The following PPP6R2 variants were observed in gnomAD, a reference collection of about 807,000 sequenced individuals.
PPP6R2 encodes serine/threonine-protein phosphatase 6 regulatory subunit 2.
A neutral mutation model predicts 100.2 loss-of-function variants in PPP6R2; 62 were observed. The observed-to-expected ratio is 0.62, with a 90% CI of 0.50 to 0.76. The LOEUF is 0.76. Among genes scored for constraint, PPP6R2 ranks in the 30% least tolerant of loss-of-function variants. The pLI is 0.00. For missense variants in PPP6R2, 1,142 were observed against 1,276.3 expected (o/e 0.89, Z 1.60); for synonymous variants, 525 against 514.7 (o/e 1.02, Z -0.27).
intron 1 of PPP6R2, among the ~76,000 whole-genome samples, chr22:50,352,407 T>C (rs1471571597): frequency 6.6e-6 from 1 of 152,186 alleles, no homozygotes; most frequent in Non-Finnish European, 1.5e-5. Flanking sequence ...TATTTAAGTC[T>C]GGTTTCGTCT....
intron 2 of PPP6R2, among the ~76,000 whole-genome samples, chr22:50,381,863 A>C (rs972994086): frequency 2.0e-5 from 3 of 151,336 alleles, no homozygotes. Context: ...TGCTGAGATC[A>C]CACCACTGCA....
chr22:50,394,149 C>T lies in PPP6R2; in HGVS notation c.227+14C>T. Reference sequence around the variant, plus strand: ...GGTCCGCTTCAAGTATGTACCAAAGCTGTGACGGGCCAGTACGCCAGGCAG... The same window carrying T: ...GGTCCGCTTCAAGTATGTACCAAAGTTGTGACGGGCCAGTACGCCAGGCAG... On this transcript the variant is annotated intron_variant, in intron 3 of 23. Transcript: ENST00000612753. The T allele has an allele frequency of 6.2e-7, 1 of 1,611,976 alleles. No homozygotes were observed. Among genetic ancestry groups the T allele is most frequent in the Non-Finnish European group, 8.5e-7 (1 of 1,178,580 alleles).
intron 10 of PPP6R2, among the ~76,000 whole-genome samples, chr22:50,424,413 G>A (rs1011482466): frequency 6.7e-6 from 1 of 149,162 alleles, no homozygotes; most frequent in African/African-American, 2.5e-5. Flanking sequence ...GTGTGTGGAA[G>A]GTCCGTCCGC....
At chr22:50,404,815 GA>G (rs1446831992) in intron 3 of PPP6R2, among the ~76,000 whole-genome samples, 1 of 152,074 alleles carries the variant, frequency 6.6e-6, no homozygotes, top group East Asian at 1.9e-4. Context: ...GGCCTGTTCT[GA>G]GACAGCCATT....
At position 50,382,836 on chromosome 22, in the gene PPP6R2, AT is replaced by A. The variant is rs532410577; in HGVS notation, c.-17+10705del. ...GGAAAAGGGTGAAATTTACAAGCAA[AT>A]TTTTTTTTTTTTTTTTTTGAGATAG... On this transcript the variant is annotated intron_variant, in intron 2 of 23. Coordinates refer to ENST00000612753, the MANE Select transcript of PPP6R2 (RefSeq NM_001242898.2). Among the ~76,000 whole-genome samples the A allele has an allele frequency of 7.5e-3, 1,062 of 141,216 alleles. 5 individuals are homozygous for A. Among genetic ancestry groups the A allele is most frequent in the Non-Finnish European group, 8.1e-3 (524 of 64,664 alleles). 92.6% of individuals were successfully genotyped at this position (141,216 alleles called of 152,430 possible). A position where few individuals can be genotyped will look rare whatever the true frequency, so the allele number is the denominator to read the frequency against.
At chr22:50,415,218 G>A (rs1219076158) in intron 5 of PPP6R2, among the ~76,000 whole-genome samples, 1 of 152,226 alleles carries the variant, frequency 6.6e-6, no homozygotes, top group Non-Finnish European at 1.5e-5. Context: ...AATCCGTGCT[G>A]ACAAACTTCT....
intron 22 of PPP6R2, among the ~76,000 whole-genome samples, chr22:50,442,799 G>C (rs990902133): frequency 6.6e-6 from 1 of 151,558 alleles, no homozygotes; most frequent in Non-Finnish European, 1.5e-5. Context: ...TGATCCGCCT[G>C]CCTCGGCCTC....
intron 1 of PPP6R2, among the ~76,000 whole-genome samples, chr22:50,365,927 G>C (rs1450616699): frequency 1.3e-5 from 2 of 152,028 alleles, no homozygotes; most frequent in Middle Eastern, 6.8e-3. Flanking sequence ...TTCTGGGTTG[G>C]TTTTGTGTTG....
intron 3 of PPP6R2, among the ~76,000 whole-genome samples, chr22:50,396,697 C>T (rs182602921): frequency 1.6e-4 from 24 of 152,258 alleles, no homozygotes; most frequent in Admixed American, 7.9e-4. Flanking sequence ...TGGCCTTTGT[C>T]TTAGAAGGAA....
chr22:50,406,856 T>A lies in PPP6R2; in HGVS notation c.395T>A (p.Ile132Asn). 1.9e-6 allele frequency: 3 copies of A among 1,614,028 alleles called. No homozygotes were observed. The highest frequency in any genetic ancestry group is 2.5e-6 in the Non-Finnish European group (3 of 1,179,914). ...SFFSKTIGNL[I>N]ARKTEQVITF... is the part of the protein sequence containing the mutation. ...TTCAGCAAGACCATTGGCAATCTCA[T>A]TGCAAGAAAAACCGAACAGGTAAAT... Residue 132 changes from isoleucine to asparagine, a missense_variant, in exon 4 of 24, where the codon ATT (isoleucine) becomes AAT (asparagine). Around this residue, in one of 2 missense-constraint regions of PPP6R2, gnomAD observed 592 missense variants for 758.9 expected, o/e 0.78. Transcript: ENST00000612753.
chr22:50,442,376 C>T (rs1306402339), intron 22 of PPP6R2, among the ~76,000 whole-genome samples: 1 of 152,216 alleles, frequency 6.6e-6, no homozygotes, highest in Non-Finnish European at 1.5e-5. Flanking sequence ...CCTTGTTTGG[C>T]CACCCTGTCT....
intron 13 of PPP6R2, among the ~76,000 whole-genome samples, chr22:50,435,434 C>T (rs1365106935): frequency 6.6e-6 from 1 of 152,234 alleles, no homozygotes. Context: ...CTAGGCTGTC[C>T]TGGCTGTGTG....
At chr22:50,398,460 A>G (rs944047428) in intron 3 of PPP6R2, among the ~76,000 whole-genome samples, 16 of 148,362 alleles carry the variant, frequency 1.1e-4, no homozygotes, top group Non-Finnish European at 1.9e-4. Context: ...GGCATGAGCC[A>G]CTGCACCCGG....
intron 7 of PPP6R2, 86 bp downstream of exon 7, chr22:50,419,065 AT>A: frequency 9.3e-7 from 1 of 1,072,750 alleles, no homozygotes; most frequent in Non-Finnish European, 1.4e-6. Flanking sequence ...GCACCAGGAT[AT>A]GTTGCCACCT....
At chr22:50,422,080 C>G (rs182150615) in intron 8 of PPP6R2, among the ~76,000 whole-genome samples, 174 bp from the exon 9 acceptor site, 1 of 152,132 alleles carries the variant, frequency 6.6e-6, no homozygotes, top group East Asian at 1.9e-4. Flanking sequence ...TTCTCTTCTG[C>G]CTGTACCAGT....
In PPP6R2 at chr22:50,393,877, T is replaced by C. The variant is rs112863059; in HGVS notation, c.-16-16T>C. ...TGCAAGGGTGAGAGACGTGACCCCT[T>C]TGCCCTCGTTTGCAGCTCTGCGGCC... On this transcript the variant is annotated splice_polypyrimidine_tract_variant and intron_variant, in intron 2 of 23. Transcript: ENST00000612753. The C allele has an allele frequency of 6.2e-6, 10 of 1,613,570 alleles. No individual in the cohort carries two copies. The African/African-American group carries it at 8.0e-5, about 13-fold the overall frequency.
chr22:50,339,878 GGTGT>G (rs1198906084), upstream of PPP6R2, among the ~76,000 whole-genome samples: 5 of 109,330 alleles, frequency 4.6e-5, 1 homozygote, highest in Non-Finnish European at 9.7e-5. Flanking sequence ...TGTGTGGTGT[GGTGT>G]GTGTGTGGGG....
At chr22:50,399,900 C>G (rs914087884) in intron 3 of PPP6R2, among the ~76,000 whole-genome samples, 4 of 152,254 alleles carry the variant, frequency 2.6e-5, no homozygotes, top group South Asian at 2.1e-4. Flanking sequence ...AGCCCTAGAG[C>G]CTGGGGATGC....
Position 50,369,691 on chromosome 22 carries a change from G to T in PPP6R2, c.-147-2329G>T, listed in dbSNP as rs564424830. ...CGGCTAATTTTTTGTGTTTTTAGTAGAGGCAGGGTTTCACCATGTTGGCCA... is the reference window on the plus strand; with the variant it reads ...CGGCTAATTTTTTGTGTTTTTAGTATAGGCAGGGTTTCACCATGTTGGCCA... On this transcript the variant is annotated intron_variant, in intron 1 of 23. Coordinates refer to ENST00000612753, the MANE Select transcript of PPP6R2 (RefSeq NM_001242898.2). Among the ~76,000 whole-genome samples the T allele has an allele frequency of 1.8e-3, 280 of 152,160 alleles. 1 individual carries two copies. The highest frequency in any genetic ancestry group is 6.5e-3 in the African/African-American group (270 of 41,510).
Sources: gnomAD v4.1 joint callset for allele counts (sites outside exome capture counted in the v4.1 genomes callset) on GRCh38, gnomAD v4.1.1 for gene constraint, gnomAD v4.1.1 regional missense constraint, MANE v1.5 for transcripts, NCBI Gene and HGNC (gene_info 2026-07-23, HGNC 2026-07-21) for gene names.